The following TMEM156 variants were observed in gnomAD, a reference collection of about 807,000 sequenced individuals.
The protein encoded by TMEM156 is transmembrane protein 156.
Under a neutral mutation model 30.5 loss-of-function variants are expected in TMEM156, and 28 were observed. The observed-to-expected ratio is 0.92, with a 90% CI of 0.68 to 1.26. The LOEUF (loss-of-function observed/expected upper bound fraction) is 1.26, where lower values mean the gene tolerates loss of function less well. TMEM156 is among the 50% of genes most tolerant of loss of function. The pLI, the probability that TMEM156 is intolerant of heterozygous loss-of-function variation, is 0.00. For synonymous variants in TMEM156, 137 were observed against 119.9 expected, an observed-to-expected ratio of 1.14 and a Z score of -0.93; for missense variants, 351 against 340.6, an observed-to-expected ratio of 1.03 and a Z score of -0.24.
At chr4:38,980,498 G>A (rs1196501676) in intron 5 of TMEM156, among the ~76,000 whole-genome samples, 1 of 152,230 alleles carries the variant, frequency 6.6e-6, no homozygotes, top group Non-Finnish European at 1.5e-5. Flanking sequence ...ATTATGCTAT[G>A]AGCTGGGGAT....
intron 1 of TMEM156, among the ~76,000 whole-genome samples, chr4:39,026,819 C>T (rs1255975518): frequency 6.6e-6 from 1 of 151,804 alleles, no homozygotes; most frequent in Non-Finnish European, 1.5e-5. Flanking sequence ...CCCAGCTACT[C>T]GGGAGGCTGA....
chr4:39,020,692 G>A (rs1402930840), intron 1 of TMEM156, among the ~76,000 whole-genome samples: 1 of 152,050 alleles, frequency 6.6e-6, no homozygotes, highest in Non-Finnish European at 1.5e-5. Flanking sequence ...TGTGACAACA[G>A]GCACATGCCA....
At chr4:39,018,060 G>T (rs1344911834) in intron 1 of TMEM156, among the ~76,000 whole-genome samples, 5 of 151,506 alleles carry the variant, frequency 3.3e-5, no homozygotes, top group African/African-American at 1.2e-4. Context: ...GCTTTCTATT[G>T]TTTCTTGCCT....
intron 1 of TMEM156, among the ~76,000 whole-genome samples, chr4:39,022,269 A>C (rs1241505753): frequency 6.6e-6 from 1 of 152,252 alleles, no homozygotes; most frequent in Non-Finnish European, 1.5e-5. Context: ...CCATAGCCAA[A>C]GTGAAGACAG....
chr4:39,021,230 C>A (rs1350871732), intron 1 of TMEM156, among the ~76,000 whole-genome samples: 2 of 150,848 alleles, frequency 1.3e-5, no homozygotes, highest in African/African-American at 4.9e-5. Context: ...TAGTGAGACC[C>A]CGTCTCTACA....
At chr4:38,981,217 A>C (rs940892008) in intron 5 of TMEM156, among the ~76,000 whole-genome samples, 1 of 152,224 alleles carries the variant, frequency 6.6e-6, no homozygotes, top group African/African-American at 2.4e-5. Flanking sequence ...CTTAGTATTT[A>C]TTATAGCGGC....
intron 1 of TMEM156, among the ~76,000 whole-genome samples, chr4:39,029,158 C>T (rs1266856249): frequency 6.6e-6 from 1 of 151,986 alleles, no homozygotes; most frequent in Non-Finnish European, 1.5e-5. Context: ...TATATTATTT[C>T]TCATTAAGAT....
intron 1 of TMEM156, among the ~76,000 whole-genome samples, chr4:39,001,214 C>CAAAAAAAA (rs34945666): frequency 4.3e-5 from 5 of 115,082 alleles, no homozygotes; most frequent in Admixed American, 9.0e-5. Context: ...ACTAAAAATA[C>CAAAAAAAA]AAAAAAAAAA....
chr4:39,014,361 A>G (rs1714338817), intron 1 of TMEM156, among the ~76,000 whole-genome samples: 1 of 152,228 alleles, frequency 6.6e-6, no homozygotes, highest in Admixed American at 6.5e-5. Context: ...AAGGGCAGGT[A>G]GAAGACATTG....
Position 39,032,312 on chromosome 4 carries a change from ATG to A in TMEM156, c.-1_1del. The A allele has an allele frequency of 1.3e-6, 2 of 1,596,332 alleles. No individual in the cohort carries two copies. The highest frequency in any genetic ancestry group is 1.7e-6 in the Non-Finnish European group (2 of 1,166,564). On this transcript the variant is annotated start_lost and start_retained_variant and 5_prime_UTR_variant, in exon 1 of 7. Coordinates refer to ENST00000381938, the MANE Select transcript of TMEM156 (RefSeq NM_024943.3). ...TAATTTAAGGAGGGCTGTTTTTGTC[ATG>A]TCTCTTCACATGACACAAATGTGTT...
chr4:39,014,869 C>T (rs1282143690), intron 1 of TMEM156, among the ~76,000 whole-genome samples: 1 of 150,998 alleles, frequency 6.6e-6, no homozygotes, highest in Non-Finnish European at 1.5e-5. Flanking sequence ...AAAAAAATTA[C>T]ATAAAATTAC....
intron 3 of TMEM156, among the ~76,000 whole-genome samples, chr4:38,991,041 G>A (rs1170527837): frequency 6.6e-6 from 1 of 151,118 alleles, no homozygotes; most frequent in Non-Finnish European, 1.5e-5. Context: ...CACCATGTTA[G>A]TCAGGCTGGT....
intron 5 of TMEM156, among the ~76,000 whole-genome samples, chr4:38,976,103 A>G (rs1442458511): frequency 6.6e-6 from 1 of 151,922 alleles, no homozygotes; most frequent in African/African-American, 2.4e-5. Context: ...CCTGGCCAAC[A>G]TGGTGAAACC....
chr4:39,029,376 C>T (rs1439945838), intron 1 of TMEM156, among the ~76,000 whole-genome samples: 1 of 152,000 alleles, frequency 6.6e-6, no homozygotes, highest in Non-Finnish European at 1.5e-5. Context: ...CTTAGCTTAC[C>T]ATCAAATAAT....
chr4:38,977,100 T>C (rs1472614662), intron 5 of TMEM156, among the ~76,000 whole-genome samples: 1 of 151,828 alleles, frequency 6.6e-6, no homozygotes, highest in Non-Finnish European at 1.5e-5. Flanking sequence ...AGATGGGGTT[T>C]CACCATGTTG....
intron 1 of TMEM156, among the ~76,000 whole-genome samples, chr4:39,017,165 T>TTTC (rs1312878841): frequency 1.2e-4 from 14 of 116,166 alleles, no homozygotes; most frequent in African/African-American, 2.2e-4. Flanking sequence ...CAAGTATGTA[T>TTTC]TTCTTCTTTT....
chr4:39,032,119 C>A, intron 1 of TMEM156, 107 bp downstream of exon 1: 1 of 674,052 alleles, frequency 1.5e-6, no homozygotes, highest in South Asian at 1.9e-5. Context: ...TCTAGAACTT[C>A]AGCCTATGCA....
At chr4:39,018,568 T>A (rs891598410) in intron 1 of TMEM156, among the ~76,000 whole-genome samples, 1 of 152,208 alleles carries the variant, frequency 6.6e-6, no homozygotes. Context: ...CCTGAAAATA[T>A]ACATCTCACC....
intron 5 of TMEM156, among the ~76,000 whole-genome samples, chr4:38,978,760 T>C (rs1723023806): frequency 1.3e-5 from 2 of 152,298 alleles, no homozygotes; most frequent in Middle Eastern, 3.4e-3. Flanking sequence ...GGGGAGAAAG[T>C]CTCAAGCTAT....
Sources: allele counts gnomAD v4.1 joint callset (sites outside exome capture counted in the v4.1 genomes callset), GRCh38; gene constraint gnomAD v4.1.1; transcripts MANE v1.5; gene names NCBI Gene and HGNC (gene_info 2026-07-23, HGNC 2026-07-21).